The following EPB41L5 variants were observed in gnomAD, a reference collection of about 807,000 sequenced individuals.
EPB41L5 encodes the protein band 4.1-like protein 5.
A neutral mutation model predicts 106.6 loss-of-function variants in EPB41L5; 55 were observed. The ratio of observed to expected loss-of-function variants is 0.52; its 90% CI spans 0.42 to 0.65. The LOEUF is 0.65. Ranked by LOEUF, EPB41L5 falls within the 30% of genes least tolerant of loss-of-function variation. The probability of loss-of-function intolerance (pLI) is 0.00; values close to 1 mark genes in which losing one functional copy is unlikely to be tolerated. For missense variants in EPB41L5, 871 were observed against 882.1 expected, an observed-to-expected ratio of 0.99 and a Z score of 0.16; for synonymous variants, 297 against 306.7, an observed-to-expected ratio of 0.97 and a Z score of 0.33.
chr2:120,121,290 G>A (rs1435761692), intron 16 of EPB41L5, among the ~76,000 whole-genome samples: 1 of 152,100 alleles, frequency 6.6e-6, no homozygotes, highest in Non-Finnish European at 1.5e-5. Flanking sequence ...TGCCATGTTG[G>A]TTTGCTGCAC....
intron 2 of EPB41L5, among the ~76,000 whole-genome samples, chr2:120,035,317 C>A (rs1374336146): frequency 6.6e-6 from 1 of 152,104 alleles, no homozygotes; most frequent in South Asian, 2.1e-4. Context: ...AGGCCAGTCT[C>A]GGAACGCCTG....
At chr2:120,127,954 C>A in intron 17 of EPB41L5, 103 bp downstream of exon 17, 1 of 1,089,940 alleles carries the variant, frequency 9.2e-7, no homozygotes, top group Non-Finnish European at 1.3e-6. Context: ...ACTAGTTCAA[C>A]TTTTAAATTT....
chr2:120,026,959 G>A (rs1678362772), intron 2 of EPB41L5, among the ~76,000 whole-genome samples: 1 of 152,174 alleles, frequency 6.6e-6, no homozygotes, highest in African/African-American at 2.4e-5. Context: ...ATGAAAAGAA[G>A]CTCAACATCA....
chr2:120,015,059 C>T (rs552643725), intron 1 of EPB41L5, among the ~76,000 whole-genome samples: 3 of 150,306 alleles, frequency 2.0e-5, no homozygotes, highest in African/African-American at 7.3e-5. Context: ...CGCAGTGGCT[C>T]ACGCCTGTAA....
intron 16 of EPB41L5, among the ~76,000 whole-genome samples, chr2:120,109,593 T>G (rs570987575): frequency 1.3e-5 from 2 of 152,298 alleles, no homozygotes; most frequent in African/African-American, 4.8e-5. Flanking sequence ...GATCCTCACC[T>G]CAAGTTACTC....
At position 120,100,712 on chromosome 2, in the gene EPB41L5, G is replaced by C. The variant is rs1558875188; in HGVS notation, c.1235G>C (p.Arg412Thr). 4 of 1,613,666 alleles carry C rather than the reference G, an allele frequency of 2.5e-6. No homozygotes were observed. The highest frequency in any genetic ancestry group is 1.6e-4 in the Middle Eastern group (1 of 6,082). The change falls in exon 16 of 25, where the codon AGA becomes ACA. Residue 412 changes from arginine to threonine, a missense_variant. Coordinates refer to ENST00000263713, the MANE Select transcript of EPB41L5 (RefSeq NM_020909.4). ...TTTTGTCCAAAGGCTTGGGGGATGA[G>C]ATCTGCTCTGCCTGTGAGTCCTTCC... ...SNGSQQAWGM[R>T]SALPVSPSIS...
chr2:120,118,693 G>T (rs1192938354), intron 16 of EPB41L5, among the ~76,000 whole-genome samples: 2 of 152,310 alleles, frequency 1.3e-5, no homozygotes, highest in African/African-American at 4.8e-5. Flanking sequence ...TTTTATGACT[G>T]CGTAGTATTC....
intron 11 of EPB41L5, among the ~76,000 whole-genome samples, chr2:120,089,313 A>T (rs536384560): frequency 1.3e-5 from 2 of 152,244 alleles, no homozygotes; most frequent in South Asian, 4.1e-4. Flanking sequence ...TACCAACTAA[A>T]GTCTAACCCC....
At chr2:120,059,706 T>C (rs1010214486) in intron 3 of EPB41L5, among the ~76,000 whole-genome samples, 3 of 151,960 alleles carry the variant, frequency 2.0e-5, no homozygotes, top group South Asian at 2.1e-4. Flanking sequence ...AGTTCAAGAC[T>C]AGCCTGGACA....
chr2:120,090,791 A>C (rs867560234), intron 12 of EPB41L5, among the ~76,000 whole-genome samples: 3 of 152,216 alleles, frequency 2.0e-5, no homozygotes, highest in South Asian at 4.1e-4. Flanking sequence ...TCTATTTAAC[A>C]AGAGTTTTAT....
intron 1 of EPB41L5, among the ~76,000 whole-genome samples, chr2:120,015,193 G>T (rs536054163): frequency 3.1e-4 from 47 of 152,058 alleles, no homozygotes; most frequent in Middle Eastern, 3.4e-3. Flanking sequence ...CGGTCGTAGC[G>T]GCGGGCACCT....
intron 10 of EPB41L5, among the ~76,000 whole-genome samples, chr2:120,086,716 G>A (rs958973524): frequency 1.3e-5 from 2 of 152,180 alleles, no homozygotes; most frequent in Non-Finnish European, 2.9e-5. Context: ...AGTCCACCCT[G>A]TGTAATGGAG....
At chr2:120,088,341 C>T (rs528362674) in intron 11 of EPB41L5, among the ~76,000 whole-genome samples, 1 of 152,170 alleles carries the variant, frequency 6.6e-6, no homozygotes, top group South Asian at 2.1e-4. Flanking sequence ...GAAGAGAAAA[C>T]CAAATACTAC....
chr2:120,090,784 ATT>A (rs1558866349), intron 12 of EPB41L5, among the ~76,000 whole-genome samples: 1 of 152,184 alleles, frequency 6.6e-6, no homozygotes, highest in Non-Finnish European at 1.5e-5. Flanking sequence ...CAGTTTATCT[ATT>A]TAACAAGAGT....
chr2:120,109,732 T>TCTA (rs1430736093), intron 16 of EPB41L5, among the ~76,000 whole-genome samples: 1 of 152,232 alleles, frequency 6.6e-6, no homozygotes, highest in African/African-American at 2.4e-5. Context: ...CTCCCTTGAA[T>TCTA]CTACCTCTTT....
chr2:120,164,536 A>G (rs780981575), intron 21 of EPB41L5, among the ~76,000 whole-genome samples: 12 of 152,230 alleles, frequency 7.9e-5, no homozygotes, highest in Non-Finnish European at 7.3e-5. Flanking sequence ...GTAATTAAAA[A>G]GAAAAAGTTA....
intron 16 of EPB41L5, among the ~76,000 whole-genome samples, chr2:120,113,590 T>C (rs139536831): frequency 1.1e-4 from 17 of 152,342 alleles, no homozygotes; most frequent in Non-Finnish European, 2.1e-4. Context: ...CACAAAGGTG[T>C]ACAACCATCA....
At chr2:120,146,412 A>G in intron 20 of EPB41L5, 123 bp downstream of exon 20, 1 of 661,970 alleles carries the variant, frequency 1.5e-6, no homozygotes, top group Non-Finnish European at 2.6e-6. Flanking sequence ...AATTCACTCT[A>G]TTGTATCCAT....
intron 10 of EPB41L5, among the ~76,000 whole-genome samples, chr2:120,080,337 G>A (rs2678344): frequency 1.3e-5 from 2 of 152,012 alleles, no homozygotes; most frequent in South Asian, 2.1e-4. Context: ...AGTTCCCACC[G>A]ACGACTGAGA....
Sources: gnomAD v4.1 joint callset for allele counts (sites outside exome capture counted in the v4.1 genomes callset) on GRCh38, gnomAD v4.1.1 for gene constraint, MANE v1.5 for transcripts, NCBI Gene and HGNC (gene_info 2026-07-23, HGNC 2026-07-21) for gene names.